UXT: variants seen among roughly 807,000 people sequenced by gnomAD.
UXT encodes ubiquitously expressed prefoldin like chaperone.
For synonymous variants in UXT, 54 were observed against 52.8 expected (o/e 1.02, Z -0.10); for missense variants, 111 against 132.7 (o/e 0.84, Z 0.80).
chrX:47,658,756 T>C, intron 1 of UXT, 74 bp downstream of exon 2: 1 of 1,073,923 alleles, frequency 9.3e-7, no homozygotes. Flanking sequence ...ATTCAAAGGG[T>C]TGGCCCTAAC....
chrX:47,652,096 G>T lies in UXT; in HGVS notation c.441C>A (p.Ile147=). ...CTGCTCTCACCTCTAGCAACATGTG[G>T]ATATGGGCTTTGATATTCATGGAGT... The change falls in exon 5 of 6, where the codon ATC becomes ATA. Residue 147 remains isoleucine (I), a synonymous_variant. Coordinates refer to ENST00000335890, the MANE Select transcript of UXT (RefSeq NM_153477.3). The T allele has an allele frequency of 8.3e-7, 1 of 1,209,671 alleles. No homozygotes were observed. The highest frequency in any genetic ancestry group is 1.8e-5 in the South Asian group (1 of 56,390).
At chrX:47,655,376 G>C (rs1196863638) in intron 4 of UXT, among the ~76,000 whole-genome samples, 3 of 112,343 alleles carry the variant, frequency 2.7e-5, no homozygotes, top group Admixed American at 9.4e-5. Context: ...TAATTGGTCT[G>C]AACACCAAGA....
At chrX:47,654,457 C>T (rs975060137) in intron 4 of UXT, among the ~76,000 whole-genome samples, 16 of 110,975 alleles carry the variant, frequency 1.4e-4, no homozygotes, top group African/African-American at 3.9e-4. Context: ...CCACCCACCT[C>T]GGCCTCCCAA....
chrX:47,654,249 C>T (rs1425582142), intron 4 of UXT, among the ~76,000 whole-genome samples: 1 of 105,531 alleles, frequency 9.5e-6, no homozygotes, highest in African/African-American at 3.5e-5. Context: ...CTGTGTCGCC[C>T]AGGCTGGAGT....
At position 47,652,078 on chromosome X, in the gene UXT, C is replaced by T; in HGVS notation, c.456+3G>A. 8.3e-7 allele frequency: 1 copy of T among 1,209,187 alleles called. No individual in the cohort carries two copies. Among genetic ancestry groups the T allele is most frequent in the Non-Finnish European group, 1.1e-6 (1 of 894,009 alleles). On this transcript the variant is annotated splice_donor_region_variant and intron_variant, in intron 5 of 5. Transcript: ENST00000335890. ...GTCTGGTAGTGGGGTGAGCTGCTCT[C>T]ACCTCTAGCAACATGTGGATATGGG...
intron 4 of UXT, among the ~76,000 whole-genome samples, chrX:47,656,673 G>C (rs1487988113): frequency 2.7e-5 from 3 of 111,529 alleles, no homozygotes; most frequent in South Asian, 3.7e-4. Context: ...AGAGAGAACA[G>C]CTACAGCAAT....
chrX:47,653,716 A>C (rs1461455963), intron 4 of UXT, among the ~76,000 whole-genome samples: 1 of 112,036 alleles, frequency 8.9e-6, no homozygotes, highest in Non-Finnish European at 1.9e-5. Context: ...CAGCTGTATG[A>C]GGGCAGATTT....
intron 1 of UXT, among the ~76,000 whole-genome samples, chrX:47,658,465 G>A (rs765041204): frequency 1.8e-5 from 2 of 112,102 alleles, no homozygotes; most frequent in South Asian, 3.7e-4. Flanking sequence ...CATGGGGAAG[G>A]TTCCAGAAAA....
At chrX:47,652,336 A>AG (rs1222816351) in intron 4 of UXT, among the ~76,000 whole-genome samples, 192 bp from the exon 6 acceptor site, 1 of 112,501 alleles carries the variant, frequency 8.9e-6, no homozygotes, top group East Asian at 2.8e-4. Flanking sequence ...AGGCAATTTT[A>AG]GGCACTGGGA....
chrX:47,655,995 T>C (rs921913030), intron 4 of UXT, among the ~76,000 whole-genome samples: 1 of 111,754 alleles, frequency 8.9e-6, no homozygotes, highest in Admixed American at 9.5e-5. Context: ...TTAGCATTAG[T>C]GTATTTTATG....
intron 4 of UXT, among the ~76,000 whole-genome samples, chrX:47,655,108 T>C (rs183935721): frequency 5.8e-4 from 65 of 111,865 alleles, no homozygotes; most frequent in African/African-American, 2.0e-3. Context: ...GGCAAAACCC[T>C]GTCTCTACTA....
chrX:47,652,773 T>G (rs1348755825), intron 4 of UXT, among the ~76,000 whole-genome samples: 1 of 110,060 alleles, frequency 9.1e-6, no homozygotes, highest in Non-Finnish European at 1.9e-5. Context: ...ACAAACTGTG[T>G]GAAGCCTACA....
intron 4 of UXT, chrX:47,654,167 G>GCCTTAC: frequency 3.5e-6 from 2 of 577,843 alleles, no homozygotes; most frequent in Non-Finnish European, 4.2e-6. Flanking sequence ...AATTACTACT[G>GCCTTAC]ATTTAGTATG....
Position 47,658,974 on chromosome X carries a change from C to A in UXT, c.-11G>T, listed in dbSNP as rs907302097. The A allele has an allele frequency of 8.3e-7, 1 of 1,210,466 alleles. No individual in the cohort carries two copies. Among genetic ancestry groups the A allele is most frequent in the Non-Finnish European group, 1.1e-6 (1 of 895,083 alleles). On this transcript the variant is annotated 5_prime_UTR_variant, in exon 1 of 6. Coordinates refer to ENST00000335890, the MANE Select transcript of UXT (RefSeq NM_153477.3). Reference sequence around the variant, plus strand: ...GAGGGGGAAGACCATGTTGACCGATCCAGTTTGGCCTCACACACAGTTCAT... The same window carrying A: ...GAGGGGGAAGACCATGTTGACCGATACAGTTTGGCCTCACACACAGTTCAT...
chrX:47,653,826 TA>T (rs2058075507), intron 4 of UXT, among the ~76,000 whole-genome samples: 1 of 111,717 alleles, frequency 9.0e-6, no homozygotes, highest in African/African-American at 3.3e-5. Flanking sequence ...ACTACTCCAT[TA>T]AAAGGAACCT....
chrX:47,651,853 G>T lies in UXT; in HGVS notation c.499C>A (p.Pro167Thr), dbSNP rs751247841. The change falls in exon 6 of 6, where the codon CCT becomes ACT. Residue 167 changes from proline (P) to threonine (T), a missense_variant. By Grantham distance (38) the Pro-to-Thr change is conservative. Coordinates refer to ENST00000335890, the MANE Select transcript of UXT (RefSeq NM_153477.3). ...ATGGGGGGAAGAAGTCAATGGTGAGGCTTCTCTGGGAAATTCTGCAGGCCT... is the reference window on the plus strand; with the variant it reads ...ATGGGGGGAAGAAGTCAATGGTGAGTCTTCTCTGGGAAATTCTGCAGGCCT... The T allele has an allele frequency of 8.3e-7, 1 of 1,211,294 alleles. No individual in the cohort carries two copies. Among genetic ancestry groups the T allele is most frequent in the African/African-American group, 1.7e-5 (1 of 57,825 alleles).
chrX:47,655,742 C>A (rs1406514063), intron 4 of UXT, among the ~76,000 whole-genome samples: 2 of 111,509 alleles, frequency 1.8e-5, no homozygotes, highest in Non-Finnish European at 3.8e-5. Flanking sequence ...GTCACTCAGT[C>A]AAATGATTCA....
At chrX:47,652,616 T>C (rs1170614973) in intron 4 of UXT, among the ~76,000 whole-genome samples, 1 of 112,114 alleles carries the variant, frequency 8.9e-6, no homozygotes, top group Non-Finnish European at 1.9e-5. Flanking sequence ...GGAGGATGTG[T>C]TCCACACACA....
chrX:47,653,058 C>T (rs1420025439), intron 4 of UXT, among the ~76,000 whole-genome samples: 3 of 111,568 alleles, frequency 2.7e-5, no homozygotes. Flanking sequence ...CAACAAAGAG[C>T]TGTTTGAGAA....
Sources: gnomAD v4.1 joint callset for allele counts (sites outside exome capture counted in the v4.1 genomes callset) on GRCh38, gnomAD v4.1.1 for gene constraint, MANE v1.5 for transcripts, NCBI Gene and HGNC (gene_info 2026-07-23, HGNC 2026-07-21) for gene names.